Variants in ADGRL2 observed in about 807,000 individuals in gnomAD.
ADGRL2 encodes the protein adhesion G protein-coupled receptor L2, also known as calcium-independent alpha-latrotoxin receptor 2.
Under a neutral mutation model 157.4 loss-of-function variants are expected in ADGRL2, and 44 were observed. The ratio of observed to expected loss-of-function variants is 0.28; its 90% CI spans 0.22 to 0.36. The LOEUF (loss-of-function observed/expected upper bound fraction) is 0.36. ADGRL2 is among the 10% of genes least tolerant of loss of function. The pLI is 1.00. For missense variants in ADGRL2, 1,510 were observed against 1,768.9 expected, an observed-to-expected ratio of 0.85 and a Z score of 2.63; for synonymous variants, 585 against 624.7, an observed-to-expected ratio of 0.94 and a Z score of 0.95.
intron 1 of ADGRL2, among the ~76,000 whole-genome samples, chr1:81,410,158 A>C (rs367884550): frequency 1.1e-4 from 16 of 152,204 alleles, no homozygotes; most frequent in African/African-American, 3.9e-4. Context: ...TCATAAACAG[A>C]TATTTTTCTT....
At chr1:81,762,294 G>T (rs1255555445) in intron 2 of ADGRL2, among the ~76,000 whole-genome samples, 1 of 151,966 alleles carries the variant, frequency 6.6e-6, no homozygotes, top group Non-Finnish European at 1.5e-5. Context: ...GTTTGACCGG[G>T]GCTTTGCAGC....
intron 21 of ADGRL2, 51 bp from the exon 22 acceptor site, chr1:81,986,850 A>G (rs1663289195): frequency 6.4e-7 from 1 of 1,569,452 alleles, no homozygotes. Context: ...CTAAAATAAG[A>G]AACTGATGTA....
chr1:81,630,953 G>A (rs1362125892), intron 3 of ADGRL2, among the ~76,000 whole-genome samples: 1 of 152,070 alleles, frequency 6.6e-6, no homozygotes, highest in Non-Finnish European at 1.5e-5. Flanking sequence ...AAATATTTGG[G>A]TGATTAAAAT....
chr1:81,721,491 C>T (rs2084317947), intron 1 of ADGRL2, among the ~76,000 whole-genome samples: 1 of 152,154 alleles, frequency 6.6e-6, no homozygotes, highest in Admixed American at 6.5e-5. Flanking sequence ...CATAGTGGCT[C>T]ACGCTTGTAA....
At chr1:81,724,745 A>G (rs1269763174) in intron 1 of ADGRL2, among the ~76,000 whole-genome samples, 1 of 152,254 alleles carries the variant, frequency 6.6e-6, no homozygotes, top group Non-Finnish European at 1.5e-5. Context: ...TGGTAGGTGC[A>G]GTGAAGTAAA....
chr1:81,866,572 T>A (rs2093551281), intron 2 of ADGRL2, among the ~76,000 whole-genome samples: 1 of 152,260 alleles, frequency 6.6e-6, no homozygotes, highest in Non-Finnish European at 1.5e-5. Context: ...TTAAAATAAA[T>A]AATTAAAAAT....
In ADGRL2 at chr1:81,959,766, G is replaced by A. The variant is rs140068769; in HGVS notation, c.2017+3706G>A. Among the ~76,000 whole-genome samples, 88 of 151,412 alleles carry A rather than the reference G, an allele frequency of 5.8e-4. No homozygotes were observed. The East Asian group carries it at 7.6e-3, about 13-fold the overall frequency. ...ATACTTTGTTGAAACCAGGATACAAGTCCAAGTAATAAATCTGATAGATAT... is the reference window on the plus strand; with the variant it reads ...ATACTTTGTTGAAACCAGGATACAAATCCAAGTAATAAATCTGATAGATAT... On this transcript the variant is annotated intron_variant, in intron 11 of 23. Coordinates refer to ENST00000686636, the MANE Select transcript of ADGRL2 (RefSeq NM_001366006.2).
chr1:81,439,957 C>T (rs57293796), intron 1 of ADGRL2, among the ~76,000 whole-genome samples: 1 of 152,154 alleles, frequency 6.6e-6, no homozygotes, highest in Non-Finnish European at 1.5e-5. Flanking sequence ...GCTGTCTGTT[C>T]CCCAAAGTCA....
At chr1:81,713,053 C>T (rs933441630) in intron 1 of ADGRL2, among the ~76,000 whole-genome samples, 7 of 151,914 alleles carry the variant, frequency 4.6e-5, no homozygotes, top group East Asian at 1.9e-4. Context: ...CCACCATGCC[C>T]GGCTTGAGAG....
At chr1:81,745,393 G>A (rs2085211946) in intron 1 of ADGRL2, among the ~76,000 whole-genome samples, 1 of 152,138 alleles carries the variant, frequency 6.6e-6, no homozygotes, top group South Asian at 2.1e-4. Context: ...TCTTAGGCAA[G>A]TTACTCAGTT....
intron 4 of ADGRL2, among the ~76,000 whole-genome samples, chr1:81,938,117 A>T (rs1486310215): frequency 2.0e-5 from 3 of 151,744 alleles, no homozygotes; most frequent in Non-Finnish European, 4.4e-5. Flanking sequence ...TTGGAAGCCT[A>T]CTGAGTACAC....
intron 2 of ADGRL2, among the ~76,000 whole-genome samples, chr1:81,887,702 T>C (rs979732290): frequency 1.3e-5 from 2 of 152,162 alleles, no homozygotes; most frequent in East Asian, 3.9e-4. Flanking sequence ...TTCAATAGAA[T>C]TTGTCACATG....
At chr1:81,476,238 C>G (rs2078270690) in intron 2 of ADGRL2, among the ~76,000 whole-genome samples, 1 of 152,110 alleles carries the variant, frequency 6.6e-6, no homozygotes, top group African/African-American at 2.4e-5. Flanking sequence ...GAAGAAAGTA[C>G]AATCTTTTGA....
intron 1 of ADGRL2, among the ~76,000 whole-genome samples, chr1:81,402,459 G>A (rs1467821061): frequency 1.3e-5 from 2 of 152,054 alleles, no homozygotes; most frequent in African/African-American, 4.8e-5. Flanking sequence ...ATATAAAGGT[G>A]ATGCTACTGC....
rs561307742 is a variant in ADGRL2 at position 81,637,869 on chromosome 1, T to A, written c.-143+56889T>A. Among the ~76,000 whole-genome samples, 34 of 152,218 alleles carry A rather than the reference T, an allele frequency of 2.2e-4. No homozygotes were observed. The South Asian group carries it at 4.6e-3, about 20-fold the overall frequency. ...TTCAGCGTACCATACACCTAGTGAA[T>A]GTCCAGTTTGTGGGCCTAAGAAAGC... On this transcript the variant is annotated intron_variant, in intron 3 of 24. Transcript: ENST00000370721.
chr1:81,771,575 A>G (rs1365461953), intron 2 of ADGRL2, among the ~76,000 whole-genome samples: 1 of 152,182 alleles, frequency 6.6e-6, no homozygotes, highest in Non-Finnish European at 1.5e-5. Flanking sequence ...AAAATTCATG[A>G]TCATAAACCA....
At chr1:81,404,824 T>C (rs1159934937) in intron 1 of ADGRL2, among the ~76,000 whole-genome samples, 1 of 152,198 alleles carries the variant, frequency 6.6e-6, no homozygotes, top group Non-Finnish European at 1.5e-5. Flanking sequence ...TGTGCATTCT[T>C]ATAAATTCCA....
chr1:81,829,676 C>T (rs2091795962), intron 1 of ADGRL2, among the ~76,000 whole-genome samples: 1 of 152,174 alleles, frequency 6.6e-6, no homozygotes, highest in East Asian at 1.9e-4. Context: ...AGAATAATTG[C>T]CGAGACATAT....
chr1:81,508,393 C>T (rs141247692), intron 2 of ADGRL2, among the ~76,000 whole-genome samples: 6 of 152,298 alleles, frequency 3.9e-5, no homozygotes, highest in Admixed American at 6.5e-5. Context: ...AGACATAACA[C>T]GCTGACGTTG....
Sources: gnomAD v4.1 joint callset for allele counts (sites outside exome capture counted in the v4.1 genomes callset) on GRCh38, gnomAD v4.1.1 for gene constraint, MANE v1.5 for transcripts, NCBI Gene and HGNC (gene_info 2026-07-23, HGNC 2026-07-21) for gene names.